SLC35F3: variants seen among roughly 807,000 people sequenced by gnomAD.
SLC35F3 encodes the protein solute carrier family 35 member F3, also known as putative thiamine transporter SLC35F3.
A neutral mutation model predicts 49.9 loss-of-function variants in SLC35F3; 25 were observed. That is an observed-to-expected ratio of 0.50 (90% CI 0.37 to 0.70). SLC35F3 has a LOEUF of 0.70. SLC35F3 is among the 30% of genes least tolerant of loss of function. SLC35F3 has a pLI of 0.00. For missense variants in SLC35F3, 525 were observed against 639.8 expected, an observed-to-expected ratio of 0.82 and a Z score of 1.94; for synonymous variants, 275 against 265.4, an observed-to-expected ratio of 1.04 and a Z score of -0.35.
chr1:234,168,695 C>T (rs1666353505), intron 2 of SLC35F3, among the ~76,000 whole-genome samples: 1 of 152,220 alleles, frequency 6.6e-6, no homozygotes, highest in African/African-American at 2.4e-5. Context: ...TTGCTATGCC[C>T]AGCAGAACAG....
At chr1:233,923,956 G>T (rs192323848) in intron 2 of SLC35F3, among the ~76,000 whole-genome samples, 4 of 152,154 alleles carry the variant, frequency 2.6e-5, no homozygotes, top group East Asian at 3.8e-4. Flanking sequence ...TTGTTGATTT[G>T]TGTATGTTGA....
chr1:234,160,449 A>G (rs982904408), intron 2 of SLC35F3, among the ~76,000 whole-genome samples: 1 of 152,138 alleles, frequency 6.6e-6, no homozygotes, highest in Non-Finnish European at 1.5e-5. Context: ...GGTGAAGCTA[A>G]TGGCTCCACC....
At chr1:234,136,617 G>A (rs1372461290) in intron 2 of SLC35F3, among the ~76,000 whole-genome samples, 1 of 152,172 alleles carries the variant, frequency 6.6e-6, no homozygotes. Flanking sequence ...ACTTCATAAA[G>A]TTTTTCTCAG....
At position 234,052,871 on chromosome 1, in the gene SLC35F3, A is replaced by G. The variant is rs970251558; in HGVS notation, c.283+147113A>G. Among the ~76,000 whole-genome samples, 16 of 152,246 alleles carry G rather than the reference A, an allele frequency of 1.1e-4. 2 individuals are homozygous for G. Among genetic ancestry groups the G allele is most frequent in the African/African-American group, 3.4e-4 (14 of 41,530 alleles). On this transcript the variant is annotated intron_variant, in intron 2 of 7. Transcript: ENST00000366618. ...CTCATTGGTTTCAAAGAACATCTTT[A>G]TTTCTGCCTTCATTTCGTTATGTAC...
At chr1:234,000,085 G>A (rs1057288165) in intron 2 of SLC35F3, among the ~76,000 whole-genome samples, 42 of 152,250 alleles carry the variant, frequency 2.8e-4, no homozygotes, top group African/African-American at 8.4e-4. Flanking sequence ...TGATCGCTGT[G>A]TAACGAGGAT....
intron 2 of SLC35F3, among the ~76,000 whole-genome samples, chr1:234,007,678 A>C (rs1663650790): frequency 6.6e-6 from 1 of 152,232 alleles, no homozygotes; most frequent in Non-Finnish European, 1.5e-5. Context: ...TGGAACCCAC[A>C]GGATTGTAAC....
intron 3 of SLC35F3, among the ~76,000 whole-genome samples, chr1:234,251,900 A>G (rs769429008): frequency 2.1e-4 from 32 of 152,194 alleles, no homozygotes; most frequent in Middle Eastern, 3.4e-3. Flanking sequence ...CTAGAAAAAA[A>G]ATAATTTGAT....
chr1:234,021,193 C>A (rs1034808568), intron 2 of SLC35F3, among the ~76,000 whole-genome samples: 1 of 152,050 alleles, frequency 6.6e-6, no homozygotes, highest in African/African-American at 2.4e-5. Context: ...AGGCTCCAGA[C>A]CTTGCACAAC....
At chr1:234,206,979 C>G (rs1666980295) in intron 2 of SLC35F3, among the ~76,000 whole-genome samples, 2 of 152,178 alleles carry the variant, frequency 1.3e-5, no homozygotes, top group Admixed American at 1.3e-4. Context: ...CTCCTTGATT[C>G]ACCCTTGGAA....
intron 2 of SLC35F3, among the ~76,000 whole-genome samples, chr1:233,956,840 C>T (rs1662713001): frequency 6.6e-6 from 1 of 152,222 alleles, no homozygotes; most frequent in African/African-American, 2.4e-5. Context: ...GAACCCTAAA[C>T]TCCTTTCCCA....
At chr1:234,170,543 C>A (rs111855959) in intron 2 of SLC35F3, among the ~76,000 whole-genome samples, 2,393 of 152,114 alleles carry the variant, frequency 0.016, 66 homozygotes, top group African/African-American at 0.054. Flanking sequence ...CCCAAGACAA[C>A]CCCGAGTAAG....
intron 2 of SLC35F3, among the ~76,000 whole-genome samples, chr1:233,930,040 T>C (rs1056481963): frequency 1.3e-5 from 2 of 152,146 alleles, no homozygotes; most frequent in Admixed American, 1.3e-4. Flanking sequence ...TCCCAGCTAC[T>C]CAGGAGACTG....
At chr1:234,191,966 A>G (rs984855251) in intron 2 of SLC35F3, among the ~76,000 whole-genome samples, 3 of 152,016 alleles carry the variant, frequency 2.0e-5, no homozygotes, top group Non-Finnish European at 2.9e-5. Context: ...ATAATTTAAA[A>G]ATTACCAACA....
intron 2 of SLC35F3, among the ~76,000 whole-genome samples, chr1:234,182,753 T>C (rs1300284346): frequency 6.6e-6 from 1 of 152,154 alleles, no homozygotes; most frequent in African/African-American, 2.4e-5. Context: ...CTTTGGGATT[T>C]TTTCCAATTT....
intron 3 of SLC35F3, among the ~76,000 whole-genome samples, chr1:234,263,706 A>G (rs184847106): frequency 6.6e-6 from 1 of 152,228 alleles, no homozygotes; most frequent in Non-Finnish European, 1.5e-5. Context: ...TCCTAGAAGC[A>G]GCACTTAGAG....
rs1422382682 is a variant in SLC35F3, at chr1:234,138,633, G to A, written c.284-92784G>A. 4.6e-5 allele frequency among the ~76,000 whole-genome samples: 7 copies of A among 152,116 alleles called. No homozygotes were observed. The East Asian group carries it at 9.7e-4, about 21-fold the overall frequency. ...TGCAGTCATAGCTCACGGCAGCCTT[G>A]ACCTCCTGTGCACAAATGATCCTCC... On this transcript the variant is annotated intron_variant, in intron 2 of 7. Transcript: ENST00000366618.
chr1:234,061,736 T>C, intron 2 of SLC35F3, among the ~76,000 whole-genome samples: 1 of 152,180 alleles, frequency 6.6e-6, no homozygotes, highest in East Asian at 1.9e-4. Flanking sequence ...TTAAATCCAC[T>C]GTTGAGTCCC....
At chr1:234,096,816 C>A (rs928539874) in intron 2 of SLC35F3, among the ~76,000 whole-genome samples, 3 of 151,696 alleles carry the variant, frequency 2.0e-5, no homozygotes, top group African/African-American at 7.3e-5. Flanking sequence ...GAAAAGATGT[C>A]TTTCTTTGCA....
At chr1:234,090,647 A>C (rs1315231700) in intron 2 of SLC35F3, among the ~76,000 whole-genome samples, 1 of 152,210 alleles carries the variant, frequency 6.6e-6, no homozygotes, top group African/African-American at 2.4e-5. Flanking sequence ...TGGTCAGAAA[A>C]TAGCAGCGTT....
Sources: gnomAD v4.1 joint callset for allele counts (sites outside exome capture counted in the v4.1 genomes callset) on GRCh38, gnomAD v4.1.1 for gene constraint, MANE v1.5 for transcripts, NCBI Gene and HGNC (gene_info 2026-07-23, HGNC 2026-07-21) for gene names.